The following OCA2 variants were observed in gnomAD, a reference collection of about 807,000 sequenced individuals.
OCA2 encodes OCA2 melanosomal transmembrane protein, also known as P protein.
OCA2 carries 77 observed loss-of-function variants against 100.2 expected under a neutral mutation model. The observed-to-expected ratio is 0.77, with a 90% confidence interval of 0.64 to 0.93. The LOEUF (loss-of-function observed/expected upper bound fraction) is 0.93. Ranked by LOEUF, OCA2 falls within the 40% of genes least tolerant of loss-of-function variation. The pLI is 0.00. For missense variants in OCA2, 1,062 were observed against 1,089.1 expected (o/e 0.98, Z 0.35); for synonymous variants, 432 against 439.2 (o/e 0.98, Z 0.21).
intron 1 of OCA2, among the ~76,000 whole-genome samples, chr15:28,083,137 A>G (rs1269594517): frequency 6.6e-6 from 1 of 152,208 alleles, no homozygotes; most frequent in Non-Finnish European, 1.5e-5. Flanking sequence ...CCTGTTTCAC[A>G]TACAGTCTTC....
intron 18 of OCA2, among the ~76,000 whole-genome samples, chr15:27,946,823 A>C (rs1280570659): frequency 6.6e-6 from 1 of 152,128 alleles, no homozygotes; most frequent in Non-Finnish European, 1.5e-5. Context: ...ATAAAATCTA[A>C]AGTGTTATTC....
At chr15:28,061,478 T>A (rs1446039396) in intron 2 of OCA2, among the ~76,000 whole-genome samples, 1 of 152,140 alleles carries the variant, frequency 6.6e-6, no homozygotes, top group African/African-American at 2.4e-5. Flanking sequence ...TTCTTTTAAA[T>A]GTCCAGTCTG....
chr15:27,729,697 C>T, the OCA2 span, among the ~76,000 whole-genome samples: 1 of 152,136 alleles, frequency 6.6e-6, no homozygotes, highest in African/African-American at 2.4e-5. Context: ...AATCCTCTAG[C>T]TTCTGTGCGT....
intron 23 of OCA2, among the ~76,000 whole-genome samples, chr15:27,839,429 C>T (rs2035268943): frequency 6.6e-6 from 1 of 152,116 alleles, no homozygotes; most frequent in Non-Finnish European, 1.5e-5. Context: ...TATTTTGATT[C>T]ACAAAGCAAG....
intron 1 of OCA2, among the ~76,000 whole-genome samples, chr15:28,096,317 G>T (rs1262759283): frequency 6.6e-6 from 1 of 152,200 alleles, no homozygotes; most frequent in Non-Finnish European, 1.5e-5. Flanking sequence ...CGTGTCTCCG[G>T]GGGCGTGGCT....
In OCA2 at chr15:27,891,388, G is replaced by T. The variant is rs532159306; in HGVS notation, c.2080-19466C>A. 1.3e-3 allele frequency among the ~76,000 whole-genome samples: 195 copies of T among 152,272 alleles called. 1 individual carries two copies. In the Middle Eastern group the frequency reaches 0.017, roughly 13 times the overall value. On this transcript the variant is annotated intron_variant, in intron 19 of 23. Transcript: ENST00000354638. The stretch of plus-strand genomic sequence containing the variant: ...GAAAATCAAGACAAAAGAAACATGG[G>T]TATGTACTGGAAACAGAGGAAATAA...
At chr15:28,096,202 G>A (rs1045588316) in intron 1 of OCA2, among the ~76,000 whole-genome samples, 51 of 150,948 alleles carry the variant, frequency 3.4e-4, no homozygotes, top group Non-Finnish European at 8.9e-5. Flanking sequence ...CGTGTCTCTG[G>A]GGGCATGGCT....
chr15:28,002,515 T>C (rs368295966), intron 9 of OCA2, among the ~76,000 whole-genome samples: 53 of 152,248 alleles, frequency 3.5e-4, no homozygotes, highest in African/African-American at 1.0e-3. Context: ...GGCTCCTGCA[T>C]TGGGGGCAGG....
chr15:28,067,139 A>G (rs1019077921), intron 2 of OCA2, among the ~76,000 whole-genome samples: 4 of 152,188 alleles, frequency 2.6e-5, no homozygotes, highest in Non-Finnish European at 5.9e-5. Flanking sequence ...ATCTCTTCAA[A>G]TATTTTACAG....
chr15:27,827,098 G>C (rs1324670382), intron 23 of OCA2, among the ~76,000 whole-genome samples: 1 of 152,212 alleles, frequency 6.6e-6, no homozygotes, highest in Non-Finnish European at 1.5e-5. Context: ...GTTCGCCTTA[G>C]AGTGAGATCC....
chr15:27,904,880 G>A (rs2703982), intron 19 of OCA2, among the ~76,000 whole-genome samples: 8,218 of 152,212 alleles, frequency 0.054, 765 homozygotes, highest in African/African-American at 0.19. Flanking sequence ...TCGGCAACAC[G>A]GGGCTGGGCA....
intron 23 of OCA2, among the ~76,000 whole-genome samples, chr15:27,823,708 T>A (rs2151281404): frequency 6.6e-6 from 1 of 152,262 alleles, no homozygotes; most frequent in Admixed American, 6.5e-5. Flanking sequence ...ACTCTCTCCC[T>A]CCCCGAAAAA....
intron 14 of OCA2, among the ~76,000 whole-genome samples, chr15:27,972,934 C>T (rs190836955): frequency 1.7e-3 from 251 of 151,266 alleles, no homozygotes; most frequent in Admixed American, 3.4e-3. Flanking sequence ...GGTGCAATCT[C>T]GGCTCACTGC....
chr15:27,935,574 G>T (rs753077503), intron 18 of OCA2, among the ~76,000 whole-genome samples: 3 of 152,210 alleles, frequency 2.0e-5, no homozygotes, highest in Non-Finnish European at 4.4e-5. Flanking sequence ...CCCGAAGATG[G>T]ACTGGTTTTC....
At chr15:28,014,521 A>T (rs1170024787) in intron 9 of OCA2, among the ~76,000 whole-genome samples, 1 of 152,198 alleles carries the variant, frequency 6.6e-6, no homozygotes, top group Non-Finnish European at 1.5e-5. Flanking sequence ...AGAAAATCGT[A>T]TGCACATTCT....
chr15:28,040,143 T>C (rs1047132911), intron 2 of OCA2, among the ~76,000 whole-genome samples: 6 of 151,844 alleles, frequency 4.0e-5, no homozygotes, highest in African/African-American at 7.3e-5. Context: ...AGTGGAGCCA[T>C]TGCATGCCAA....
chr15:27,761,732 A>T (rs763568208), intron 23 of OCA2, among the ~76,000 whole-genome samples: 1 of 152,246 alleles, frequency 6.6e-6, no homozygotes, highest in African/African-American at 2.4e-5. Context: ...ATGTAGCACC[A>T]GTAATTAAGG....
chr15:27,891,459 T>C (rs1374099610), intron 19 of OCA2, among the ~76,000 whole-genome samples: 2 of 152,204 alleles, frequency 1.3e-5, no homozygotes, highest in Non-Finnish European at 2.9e-5. Flanking sequence ...GGGGAATTGG[T>C]TCCAGGACCT....
chr15:28,039,822 C>CAGAA (rs2043149937), intron 2 of OCA2, among the ~76,000 whole-genome samples: 1 of 152,118 alleles, frequency 6.6e-6, no homozygotes, highest in Non-Finnish European at 1.5e-5. Flanking sequence ...ATCACAAGGT[C>CAGAA]AGAAGTTCAA....
Sources: gnomAD v4.1 joint callset for allele counts (sites outside exome capture counted in the v4.1 genomes callset) on GRCh38, gnomAD v4.1.1 for gene constraint, MANE v1.5 for transcripts, NCBI Gene and HGNC (gene_info 2026-07-23, HGNC 2026-07-21) for gene names.